UBE2G1: variants seen among roughly 807,000 people sequenced by gnomAD.
The protein encoded by UBE2G1 is ubiquitin-conjugating enzyme E2 G1.
A neutral mutation model predicts 22.7 loss-of-function variants in UBE2G1; 5 were observed. That is an observed-to-expected ratio of 0.22 (90% CI 0.12 to 0.46). UBE2G1 has a LOEUF of 0.46. Among genes scored for constraint, UBE2G1 ranks in the 20% least tolerant of loss-of-function variants. UBE2G1 has a pLI of 0.99. For missense variants in UBE2G1, 88 were observed against 203.9 expected (o/e 0.43, Z 3.46); for synonymous variants, 74 against 67.5 (o/e 1.10, Z -0.47).
chr17:4,363,226 T>G (rs1164711028), intron 1 of UBE2G1, among the ~76,000 whole-genome samples: 8 of 152,128 alleles, frequency 5.3e-5, no homozygotes, highest in Admixed American at 5.2e-4. Context: ...TGCCTTGCCC[T>G]ACTACTTTGT....
At chr17:4,277,557 A>G (rs2013273) in intron 5 of UBE2G1, among the ~76,000 whole-genome samples, 145,073 of 152,292 alleles carry the variant, frequency 0.95, 69,540 homozygotes, top group East Asian at 1. Flanking sequence ...TATATAGGAC[A>G]AGGTATAAAC....
At chr17:4,307,757 AC>A (rs761450551) in intron 1 of UBE2G1, among the ~76,000 whole-genome samples, 16 of 152,226 alleles carry the variant, frequency 1.1e-4, no homozygotes, top group Admixed American at 4.6e-4. Flanking sequence ...TAAGAGTAAC[AC>A]CTGGAGCATA....
At chr17:4,365,886 GGCCCC>G (rs1970028127) in intron 1 of UBE2G1, among the ~76,000 whole-genome samples, 2 of 152,052 alleles carry the variant, frequency 1.3e-5, no homozygotes, top group South Asian at 4.1e-4. Flanking sequence ...CGCTCCAGCC[GGCCCC>G]GAAGGTCCGG....
chr17:4,319,722 C>CG (rs1969415685), intron 1 of UBE2G1, among the ~76,000 whole-genome samples: 1 of 141,516 alleles, frequency 7.1e-6, no homozygotes, highest in Non-Finnish European at 1.5e-5. Context: ...GCACCTGTGT[C>CG]GAAAAAAAAA....
chr17:4,276,269 G>C (rs989858720), intron 5 of UBE2G1, among the ~76,000 whole-genome samples: 3 of 152,040 alleles, frequency 2.0e-5, no homozygotes, highest in Non-Finnish European at 4.4e-5. Flanking sequence ...CCGCCTCCCA[G>C]GTTGAAGTGA....
In UBE2G1 at chr17:4,296,752, T is replaced by C; in HGVS notation, c.212A>G (p.Lys71Arg). Residue 71 changes from lysine to arginine, a missense_variant, in exon 3 of 6, where the codon AAA (lysine) becomes AGA (arginine). Transcript: ENST00000396981. ...CCAGATTTCTGTAATGAATTTCATT[T>C]TAGGAGGTCGGAGGGGATAATCTTT... The part of the protein sequence containing the change: ...FPKDYPLRPP[K>R]MKFITEIWHP... 1 of 1,614,060 alleles carries C rather than the reference T, an allele frequency of 6.2e-7. No homozygotes were observed. Among genetic ancestry groups the C allele is most frequent in the Admixed American group, 1.7e-5 (1 of 60,020 alleles).
intron 1 of UBE2G1, among the ~76,000 whole-genome samples, chr17:4,361,898 TGCCACTGCATTCCAGCCTGG>T (rs1334440111): frequency 1.4e-5 from 2 of 141,924 alleles, no homozygotes; most frequent in Non-Finnish European, 3.0e-5. Flanking sequence ...GCGGAGATCG[TGCCACTGCATTCCAGCCTGG>T]GCCACTGCAA....
chr17:4,319,918 A>G (rs72829388), intron 1 of UBE2G1, among the ~76,000 whole-genome samples: 10,725 of 152,144 alleles, frequency 0.07, 507 homozygotes, highest in South Asian at 0.15. Context: ...TACCAACCCC[A>G]TGTAAATGCA....
chr17:4,325,076 C>CA (rs1409215407), intron 1 of UBE2G1, among the ~76,000 whole-genome samples: 3 of 146,174 alleles, frequency 2.1e-5, no homozygotes, highest in Non-Finnish European at 3.0e-5. Context: ...GACTCCGTCT[C>CA]AAAAAAACCA....
rs566686143 is a variant in UBE2G1 at position 4,362,853 on chromosome 17, T to C, written c.46+3418A>G. The stretch of plus-strand genomic sequence containing the variant: ...CTCCAGTCTGGGTGAAAGGTGGTGG[T>C]GGCTCACACTTGTAATTCCAGCACT... On this transcript the variant is annotated intron_variant, in intron 1 of 5. Coordinates refer to ENST00000396981, the MANE Select transcript of UBE2G1 (RefSeq NM_003342.5). Among the ~76,000 whole-genome samples the C allele has an allele frequency of 3.9e-5, 6 of 152,246 alleles. No homozygotes were observed. The East Asian group carries it at 1.2e-3, about 29-fold the overall frequency.
chr17:4,286,354 G>A (rs936293858), intron 4 of UBE2G1, among the ~76,000 whole-genome samples: 13 of 150,350 alleles, frequency 8.6e-5, no homozygotes, highest in African/African-American at 2.7e-4. Context: ...GCAGTGAGCT[G>A]AGATTGTGCC....
intron 1 of UBE2G1, among the ~76,000 whole-genome samples, chr17:4,332,234 T>C (rs1469679804): frequency 6.6e-6 from 1 of 152,210 alleles, no homozygotes; most frequent in African/African-American, 2.4e-5. Context: ...GTCCACTAAG[T>C]CAGAGGCTAT....
intron 1 of UBE2G1, among the ~76,000 whole-genome samples, chr17:4,354,828 G>A (rs557116044): frequency 2.6e-5 from 4 of 151,086 alleles, no homozygotes; most frequent in East Asian, 3.9e-4. Context: ...TCCCAGCTAC[G>A]GAGGCAGATA....
chr17:4,298,351 G>A (rs1969134884), intron 2 of UBE2G1, among the ~76,000 whole-genome samples: 1 of 152,070 alleles, frequency 6.6e-6, no homozygotes, highest in Non-Finnish European at 1.5e-5. Context: ...TGAAAAATTG[G>A]GGGTGTGTTT....
Position 4,301,922 on chromosome 17 carries a change from G to A in UBE2G1, c.149+5099C>T, listed in dbSNP as rs565832425. The A allele has an allele frequency of 2.6e-4, 129 of 487,910 alleles. 2 individuals are homozygous for A. Among genetic ancestry groups the A allele is most frequent in the South Asian group, 2.0e-3 (127 of 63,258 alleles). The allele number at this position is 487,910 out of a possible 1,614,324, so 30.2% of individuals were successfully genotyped here. On this transcript the variant is annotated intron_variant, in intron 2 of 5. Transcript: ENST00000396981. ...GGGTTCTGCTGGTCACACAACCCCT[G>A]GGGTCACACTTAAGATTGGGGGTAT...
chr17:4,316,586 G>C (rs1231680221), intron 1 of UBE2G1, among the ~76,000 whole-genome samples: 3 of 152,138 alleles, frequency 2.0e-5, no homozygotes, highest in Non-Finnish European at 4.4e-5. Flanking sequence ...GATGCATCAA[G>C]TTAATAAATT....
chr17:4,278,276 T>G (rs907556569), intron 5 of UBE2G1, among the ~76,000 whole-genome samples: 3 of 152,196 alleles, frequency 2.0e-5, no homozygotes, highest in Non-Finnish European at 1.5e-5. Context: ...AAAAATTAGG[T>G]GCACATCTCA....
intron 4 of UBE2G1, among the ~76,000 whole-genome samples, chr17:4,284,023 G>A (rs1968928053): frequency 1.3e-5 from 2 of 151,944 alleles, no homozygotes; most frequent in South Asian, 4.2e-4. Flanking sequence ...TGGACGTGGT[G>A]GTGCATGCCT....
At chr17:4,281,399 T>C (rs541780144) in intron 5 of UBE2G1, among the ~76,000 whole-genome samples, 1 of 152,108 alleles carries the variant, frequency 6.6e-6, no homozygotes, top group Non-Finnish European at 1.5e-5. Flanking sequence ...GTTAGGAATA[T>C]GAGAAAGGGA....
Sources: gnomAD v4.1 joint callset for allele counts (sites outside exome capture counted in the v4.1 genomes callset) on GRCh38, gnomAD v4.1.1 for gene constraint, MANE v1.5 for transcripts, NCBI Gene and HGNC (gene_info 2026-07-23, HGNC 2026-07-21) for gene names.